The following IRX5 variants were observed in gnomAD, a reference collection of about 807,000 sequenced individuals.
The protein encoded by IRX5 is iroquois-class homeodomain protein IRX-5.
IRX5 carries 8 observed loss-of-function variants against 37.6 expected under a neutral mutation model. The observed-to-expected ratio is 0.21, with a 90% confidence interval of 0.12 to 0.38. The LOEUF (loss-of-function observed/expected upper bound fraction) is 0.38, where lower values mean the gene tolerates loss of function less well. Ranked by LOEUF, IRX5 falls within the 10% of genes least tolerant of loss-of-function variation. The pLI is 1.00. For synonymous variants in IRX5, 359 were observed against 328.6 expected, an observed-to-expected ratio of 1.09 and a Z score of -1.00; for missense variants, 635 against 695.2, an observed-to-expected ratio of 0.91 and a Z score of 0.97.
Position 54,932,016 on chromosome 16 carries a change from G to T in IRX5, c.250-482G>T, listed in dbSNP as rs1963903351. The T allele has an allele frequency of 1.0e-5, 7 of 698,304 alleles. No individual in the cohort carries two copies. The highest frequency in any genetic ancestry group is 1.8e-5 in the Non-Finnish European group (7 of 382,236). 43.3% of individuals were successfully genotyped at this position (698,304 alleles called of 1,614,324 possible). A position where few individuals can be genotyped will look rare whatever the true frequency, so the allele number is the denominator to read the frequency against. ...GGTAGTATTTTTGGAGGGTGGGAGT[G>T]CGTGGGCATGGCTCAGCTTTTTGTT... is the stretch of plus-strand genomic sequence containing the variant. On this transcript the variant is annotated intron_variant, in intron 1 of 2. Transcript: ENST00000394636. The surrounding 1 kb of genome is among the most constrained non-coding windows in gnomAD (Gnocchi z 6.7).
rs775226281 is a variant in IRX5 at position 54,931,313 on chromosome 16, T to C, written c.115T>C (p.Ser39Pro). The C allele has an allele frequency of 1.2e-6, 2 of 1,612,172 alleles. No homozygotes were observed. The change falls in exon 1 of 3, where the codon TCT becomes CCT. Residue 39 changes from serine (S) to proline (P), a missense_variant. Physicochemically the swap from Ser to Pro is moderately conservative, Grantham distance 74. Transcript: ENST00000394636. Reference protein sequence around the residue: ...SGPRTDELGRSSSGSAFSPYA... With the variant: ...SGPRTDELGRPSSGSAFSPYA... ...GCCCCGCACGGATGAGCTCGGCCGC[T>C]CTTCTTCGGGCTCCGCGTTCTCGCC...
At position 54,934,131 on chromosome 16, in the gene IRX5, T is replaced by C. The variant is rs1222249645; in HGVS notation, c.*258T>C. The C allele has an allele frequency of 2.3e-5, 7 of 303,600 alleles. No individual in the cohort carries two copies. Among genetic ancestry groups the C allele is most frequent in the Admixed American group, 5.0e-5 (1 of 20,166 alleles). 18.8% of individuals were successfully genotyped at this position (303,600 alleles called of 1,614,324 possible). Reference sequence around the variant, plus strand: ...ATTCTGTATATTTAATGTAGCATTTTTGTATTTAAATTGATAATTCAATAT... The same window carrying C: ...ATTCTGTATATTTAATGTAGCATTTCTGTATTTAAATTGATAATTCAATAT... On this transcript the variant is annotated 3_prime_UTR_variant, in exon 3 of 3. Transcript: ENST00000394636.
rs1390213074 is a variant in IRX5 at position 54,931,303 on chromosome 16, G to A, written c.105G>A (p.Glu35=). The A allele has an allele frequency of 6.2e-7, 1 of 1,612,370 alleles. No individual in the cohort carries two copies. The highest frequency in any genetic ancestry group is 1.3e-5 in the African/African-American group (1 of 75,020). ...TCATTTCGGGGCCCCGCACGGATGAGCTCGGCCGCTCTTCTTCGGGCTCCG... is the reference window on the plus strand; with the variant it reads ...TCATTTCGGGGCCCCGCACGGATGAACTCGGCCGCTCTTCTTCGGGCTCCG... ...TSVISGPRTD[E]LGRSSSGSAF... Residue 35 remains glutamate, a synonymous_variant, in exon 1 of 3, where the codon GAG becomes GAA. Coordinates refer to ENST00000394636, the MANE Select transcript of IRX5 (RefSeq NM_005853.6).
At position 54,932,277 on chromosome 16, in the gene IRX5, C is replaced by T. The variant is rs1963907596; in HGVS notation, c.250-221C>T. ...CGAGGCCGGGACAGCTTCAGGGGCC[C>T]CAGAAGGACCTGACCCAGAAATTGA... On this transcript the variant is annotated intron_variant, in intron 1 of 2. Transcript: ENST00000394636. This position sits in a 1 kb window ranked among gnomAD's most constrained non-coding sequence, Gnocchi z 6.7. The T allele has an allele frequency of 6.0e-6, 4 of 669,106 alleles. No homozygotes were observed. In the Admixed American group the frequency reaches 7.6e-5, roughly 13 times the overall value. 41.4% of individuals were successfully genotyped at this position (669,106 alleles called of 1,614,324 possible). A position where few individuals can be genotyped will look rare whatever the true frequency, so the allele number is the denominator to read the frequency against.
At position 54,933,510 on chromosome 16, in the gene IRX5, C is replaced by G; in HGVS notation, c.1089C>G (p.Pro363=). ...GNEGSPCPPC[P]GPIAGQALGG... ...AGGGCTCTCCATGCCCACCGTGTCC[C>G]GGGCCCATAGCCGGGCAAGCCCTAG... The change falls in exon 3 of 3, where the codon CCC becomes CCG. Residue 363 remains proline, a synonymous_variant. Coordinates refer to ENST00000394636, the MANE Select transcript of IRX5 (RefSeq NM_005853.6). 6.2e-7 allele frequency: 1 copy of G among 1,610,498 alleles called. No homozygotes were observed. Among genetic ancestry groups the G allele is most frequent in the Non-Finnish European group, 8.5e-7 (1 of 1,178,718 alleles).
Position 54,932,448 on chromosome 16 carries a change from T to C in IRX5, c.250-50T>C, listed in dbSNP as rs199825548. On this transcript the variant is annotated intron_variant, in intron 1 of 2. Coordinates refer to ENST00000394636, the MANE Select transcript of IRX5 (RefSeq NM_005853.6). The surrounding 1 kb of genome is among the most constrained non-coding windows in gnomAD (Gnocchi z 6.7). ...GAAAAGGGTGCTTCGGTCGTTCCGA[T>C]GGCAGTGGAGACCACGGTCCACACT... 1.3e-6 allele frequency: 2 copies of C among 1,547,346 alleles called. No homozygotes were observed. The highest frequency in any genetic ancestry group is 2.7e-5 in the African/African-American group (2 of 73,188).
Position 54,932,248 on chromosome 16 carries a change from A to C in IRX5, c.250-250A>C, listed in dbSNP as rs1231434476. 1.5e-6 allele frequency: 1 copy of C among 682,108 alleles called. No homozygotes were observed. The highest frequency in any genetic ancestry group is 2.7e-6 in the Non-Finnish European group (1 of 374,340). 42.3% of individuals were successfully genotyped at this position (682,108 alleles called of 1,614,324 possible). On this transcript the variant is annotated intron_variant, in intron 1 of 2. Transcript: ENST00000394636. This position sits in a 1 kb window ranked among gnomAD's most constrained non-coding sequence, Gnocchi z 6.7. ...CGGGCAGATGGGGGCCTACGGGGTG[A>C]CACCGAGGCCGGGACAGCTTCAGGG...
At position 54,933,689 on chromosome 16, in the gene IRX5, G is replaced by A. The variant is rs1369982666; in HGVS notation, c.1268G>A (p.Gly423Asp). The stretch of plus-strand genomic sequence containing the variant: ...TATGGCTCCTTCGGACACCTTCATG[G>A]CCACCCGGGGCCCGGGCCAGGCCCC... ...TNYGSFGHLHGHPGPGPGPTT... is the reference protein window; with the variant it reads ...TNYGSFGHLHDHPGPGPGPTT... Residue 423 changes from glycine (G) to aspartate (D), a missense_variant, in exon 3 of 3, where the codon GGC (glycine) becomes GAC (aspartate). By Grantham distance (94) the Gly-to-Asp change is moderately conservative. This residue lies in a region of IRX5 where 188 missense variants were observed against 200.8 expected (regional missense o/e 0.94). Transcript: ENST00000394636. The A allele has an allele frequency of 6.2e-7, 1 of 1,613,406 alleles. No homozygotes were observed. Among genetic ancestry groups the A allele is most frequent in the Non-Finnish European group, 8.5e-7 (1 of 1,179,798 alleles).
rs753840767 is a variant in IRX5, at chr16:54,931,418, G to A, written c.220G>A (p.Ala74Thr). 6 of 1,589,054 alleles carry A rather than the reference G, an allele frequency of 3.8e-6. No homozygotes were observed. The highest frequency in any genetic ancestry group is 2.3e-5 in the East Asian group (1 of 44,412). ...CCAGTACGGCGCCGACCCCGCGGCC[G>A]CCGCCGCCGCCGCCTTCTCCTCGTA... ...HLQYGADPAA[A>T]AAAAFSSYVG... The change falls in exon 1 of 3, where the codon GCC (alanine) becomes ACC (threonine). Residue 74 changes from alanine to threonine, a missense_variant. Ala to Thr is a moderately conservative substitution (Grantham distance 58, BLOSUM62 0). Transcript: ENST00000394636.
rs1567390500 is a variant in IRX5, at chr16:54,932,476, C to T, written c.250-22C>T. Reference sequence around the variant, plus strand: ...CAGTGGAGACCACGGTCCACACTCACCTCTCTGCGTCTCCACCGCAGGGCT... The same window carrying T: ...CAGTGGAGACCACGGTCCACACTCATCTCTCTGCGTCTCCACCGCAGGGCT... On this transcript the variant is annotated intron_variant, in intron 1 of 2. Coordinates refer to ENST00000394636, the MANE Select transcript of IRX5 (RefSeq NM_005853.6). This position sits in a 1 kb window ranked among gnomAD's most constrained non-coding sequence, Gnocchi z 6.7. The T allele has an allele frequency of 3.1e-6, 5 of 1,590,930 alleles. No homozygotes were observed. The highest frequency in any genetic ancestry group is 2.6e-6 in the Non-Finnish European group (3 of 1,167,526).
At position 54,932,906 on chromosome 16, in the gene IRX5, TG is replaced by T; in HGVS notation, c.655+5del. The T allele has an allele frequency of 6.2e-7, 1 of 1,605,572 alleles. No homozygotes were observed. Among genetic ancestry groups the T allele is most frequent in the East Asian group, 2.2e-5 (1 of 44,704 alleles). ...CGACCCCGAGGGCCCCGAAGCAGGTTGGTGGACATGGGAAAGGGCGTGTTGG... is the reference window on the plus strand; with the variant it reads ...CGACCCCGAGGGCCCCGAAGCAGGTTGTGGACATGGGAAAGGGCGTGTTGG... On this transcript the variant is annotated splice_donor_region_variant and intron_variant, in intron 2 of 2. Coordinates refer to ENST00000394636, the MANE Select transcript of IRX5 (RefSeq NM_005853.6). The surrounding 1 kb of genome is among the most constrained non-coding windows in gnomAD (Gnocchi z 6.7).
In IRX5 at chr16:54,933,080, G is replaced by A. The variant is rs766023831; in HGVS notation, c.659G>A (p.Gly220Glu). ...ACAGCCTGGGTTTCGCCCGCAGGAG[G>A]AGCTGAGCAGAAGGCGGCTTCGGGC... is the stretch of plus-strand genomic sequence containing the variant. Reference protein sequence around the residue: ...KGDPEGPEAGGAEQKAASGCE... With the variant: ...KGDPEGPEAGEAEQKAASGCE... The change falls in exon 3 of 3, where the codon GGA becomes GAA. Residue 220 changes from glycine to glutamate, a missense_variant. By Grantham distance (98) the Gly-to-Glu change is moderately conservative (BLOSUM62 -2). Coordinates refer to ENST00000394636, the MANE Select transcript of IRX5 (RefSeq NM_005853.6). 4.4e-6 allele frequency: 7 copies of A among 1,597,026 alleles called. No homozygotes were observed. The South Asian group carries it at 4.4e-5, about 10-fold the overall frequency.
chr16:54,932,306 C>A lies in IRX5; in HGVS notation c.250-192C>A. 1.4e-6 allele frequency: 1 copy of A among 690,436 alleles called. No individual in the cohort carries two copies. 42.8% of individuals were successfully genotyped at this position (690,436 alleles called of 1,614,324 possible). A position where few individuals can be genotyped will look rare whatever the true frequency, so the allele number is the denominator to read the frequency against. On this transcript the variant is annotated intron_variant, in intron 1 of 2. Coordinates refer to ENST00000394636, the MANE Select transcript of IRX5 (RefSeq NM_005853.6). The surrounding 1 kb of genome is among the most constrained non-coding windows in gnomAD (Gnocchi z 6.7). Reference sequence around the variant, plus strand: ...AAGGACCTGACCCAGAAATTGAGGTCCCCGCTGCCTTCTGAGGAGGGGGAG... The same window carrying A: ...AAGGACCTGACCCAGAAATTGAGGTACCCGCTGCCTTCTGAGGAGGGGGAG...
rs752235657 is a variant in IRX5 at position 54,934,212 on chromosome 16, TAATATA to T, written c.*346_*351del. On this transcript the variant is annotated 3_prime_UTR_variant, in exon 3 of 3. Coordinates refer to ENST00000394636, the MANE Select transcript of IRX5 (RefSeq NM_005853.6). ...TGTACAGGCATTTAATGTTTTTTTG[TAATATA>T]AATATATACATTTGTGTTTCCCCCA... is the stretch of plus-strand genomic sequence containing the variant. 50 of 168,636 alleles carry T rather than the reference TAATATA, an allele frequency of 3.0e-4. 1 individual carries two copies. Among genetic ancestry groups the T allele is most frequent in the South Asian group, 2.0e-4 (1 of 5,050 alleles). 10.4% of individuals were successfully genotyped at this position (168,636 alleles called of 1,614,324 possible). A position where few individuals can be genotyped will look rare whatever the true frequency, so the allele number is the denominator to read the frequency against.
rs202087837 is a variant in IRX5, at chr16:54,933,886, C to G, written c.*13C>G. 48 of 1,553,140 alleles carry G rather than the reference C, an allele frequency of 3.1e-5. No individual in the cohort carries two copies. Among genetic ancestry groups the G allele is most frequent in the Non-Finnish European group, 4.1e-5 (47 of 1,145,716 alleles). On this transcript the variant is annotated 3_prime_UTR_variant, in exon 3 of 3. Transcript: ENST00000394636. ...GTCCGACATTTAACGCGGGCTGCGTCGGTCCCGGACTTTTCTAATTTATTA... is the reference window on the plus strand; with the variant it reads ...GTCCGACATTTAACGCGGGCTGCGTGGGTCCCGGACTTTTCTAATTTATTA...
In IRX5 at chr16:54,933,362, C is replaced by A. The variant is rs1475415301; in HGVS notation, c.941C>A (p.Pro314His). 6.6e-7 allele frequency: 1 copy of A among 1,514,246 alleles called. No individual in the cohort carries two copies. 93.8% of individuals were successfully genotyped at this position (1,514,246 alleles called of 1,614,324 possible). A position where few individuals can be genotyped will look rare whatever the true frequency, so the allele number is the denominator to read the frequency against. Residue 314 changes from proline (P) to histidine (H), a missense_variant, in exon 3 of 3, where the codon CCC becomes CAC. By Grantham distance (77) the Pro-to-His change is moderately conservative. Coordinates refer to ENST00000394636, the MANE Select transcript of IRX5 (RefSeq NM_005853.6). Reference protein sequence around the residue: ...AGEVPPGPGGPSVIHSPPPPP... With the variant: ...AGEVPPGPGGHSVIHSPPPPP... ...GAGGTGCCTCCGGGTCCCGGCGGGC[C>A]CTCGGTTATCCATTCGCCGCCTCCG...
At position 54,933,376 on chromosome 16, in the gene IRX5, TCGCCGCCTCCGC is replaced by T; in HGVS notation, c.966_977del (p.Pro323_Pro326del). On this transcript the variant is annotated inframe_deletion, in exon 3 of 3. Coordinates refer to ENST00000394636, the MANE Select transcript of IRX5 (RefSeq NM_005853.6). ...TCCCGGCGGGCCCTCGGTTATCCATTCGCCGCCTCCGCCGCCGCCTCCTGCGGTGCTCGCCAA... is the reference window on the plus strand; with the variant it reads ...TCCCGGCGGGCCCTCGGTTATCCATTCGCCGCCTCCTGCGGTGCTCGCCAA... 6 of 1,535,452 alleles carry T rather than the reference TCGCCGCCTCCGC, an allele frequency of 3.9e-6. No homozygotes were observed. Among genetic ancestry groups the T allele is most frequent in the Non-Finnish European group, 5.2e-6 (6 of 1,145,200 alleles).
chr16:54,933,622 C>A lies in IRX5; in HGVS notation c.1201C>A (p.Pro401Thr), dbSNP rs1399305919. The change falls in exon 3 of 3, where the codon CCT becomes ACT. Residue 401 changes from proline to threonine, a missense_variant. Transcript: ENST00000394636. The stretch of plus-strand genomic sequence containing the variant: ...TCCAGGCGGGACGGTGCTGTCCCGG[C>A]CTCTCTACTACACCGCGCCCTTCTA... ...PFPGGTVLSR[P>T]LYYTAPFYPG... The A allele has an allele frequency of 1.9e-6, 3 of 1,611,230 alleles. No individual in the cohort carries two copies. In the African/African-American group the frequency reaches 4.0e-5, roughly 22 times the overall value.
In IRX5 at chr16:54,933,311, C is replaced by T. The variant is rs1477481852; in HGVS notation, c.890C>T (p.Ala297Val). The T allele has an allele frequency of 4.2e-6, 6 of 1,424,808 alleles. No individual in the cohort carries two copies. Among genetic ancestry groups the T allele is most frequent in the Non-Finnish European group, 1.8e-6 (2 of 1,095,364 alleles). The allele number at this position is 1,424,808 out of a possible 1,614,324, so 88.3% of individuals were successfully genotyped here. ...PAPHYPAGAPAPGPHPAAGEV... is the reference protein window; with the variant it reads ...PAPHYPAGAPVPGPHPAAGEV... ...CCTCACTACCCCGCCGGAGCGCCGG[C>T]GCCCGGCCCGCATCCAGCCGCGGGC... Residue 297 changes from alanine (A) to valine (V), a missense_variant, in exon 3 of 3, where the codon GCG (alanine) becomes GTG (valine). Coordinates refer to ENST00000394636, the MANE Select transcript of IRX5 (RefSeq NM_005853.6).
Sources: allele counts gnomAD v4.1 joint callset, GRCh38; gene constraint gnomAD v4.1.1; regional missense constraint gnomAD v4.1.1; non-coding constraint Gnocchi (gnomAD v3.1); transcripts MANE v1.5; gene names NCBI Gene and HGNC (gene_info 2026-07-23, HGNC 2026-07-21).